The following LTBP2 variants were observed in gnomAD, a reference collection of about 807,000 sequenced individuals.
LTBP2 encodes latent transforming growth factor beta binding protein 2.
In LTBP2, 103 loss-of-function variants were observed where a neutral mutation model predicts 210.6. The observed-to-expected ratio is 0.49, with a 90% CI of 0.42 to 0.58. LTBP2 has a LOEUF of 0.58. LTBP2 is among the 20% of genes least tolerant of loss of function. The pLI is 0.00. For missense variants in LTBP2, 2,313 were observed against 2,494.5 expected, an observed-to-expected ratio of 0.93 and a Z score of 1.55; for synonymous variants, 1,007 against 1,015.0, an observed-to-expected ratio of 0.99 and a Z score of 0.15.
intron 18 of LTBP2, among the ~76,000 whole-genome samples, chr14:74,515,682 T>G (rs1194470957): frequency 6.6e-6 from 1 of 152,198 alleles, no homozygotes; most frequent in Non-Finnish European, 1.5e-5. Flanking sequence ...GGTAATCTAT[T>G]GAGGACCTAA....
At chr14:74,552,601 G>A (rs1401371600) in intron 5 of LTBP2, among the ~76,000 whole-genome samples, 1 of 152,206 alleles carries the variant, frequency 6.6e-6, no homozygotes, top group Non-Finnish European at 1.5e-5. Flanking sequence ...TTCCTGAAAA[G>A]TCTATTTAGG....
intron 2 of LTBP2, among the ~76,000 whole-genome samples, chr14:74,593,413 A>G (rs530922969): frequency 6.6e-6 from 1 of 152,302 alleles, no homozygotes; most frequent in African/African-American, 2.4e-5. Flanking sequence ...CCTTGGACAC[A>G]TGTCATCTCG....
At position 74,585,786 on chromosome 14, in the gene LTBP2, AAAGG is replaced by A. The variant is rs1314320711; in HGVS notation, c.830+64_830+67del. 7.9e-5 allele frequency: 127 copies of A among 1,611,968 alleles called. 1 individual carries two copies. In the East Asian group the frequency reaches 2.4e-3, roughly 31 times the overall value. ...TCCACCAGCCTTCACCAAACGGTCCAAAGGAAGAAGCCCCTCCAAAAAGAGACTG... is the reference window on the plus strand; with the variant it reads ...TCCACCAGCCTTCACCAAACGGTCCAAAGAAGCCCCTCCAAAAAGAGACTG... On this transcript the variant is annotated intron_variant, in intron 3 of 35. Transcript: ENST00000261978.
chr14:74,513,731 G>A (rs532717001), intron 18 of LTBP2, among the ~76,000 whole-genome samples: 1 of 152,184 alleles, frequency 6.6e-6, no homozygotes. Flanking sequence ...TGAACCCGGT[G>A]GGGGAGGAGG....
chr14:74,522,176 G>A, intron 16 of LTBP2, 137 bp from the exon 17 acceptor site: 1 of 1,052,818 alleles, frequency 9.5e-7, no homozygotes, highest in Non-Finnish European at 1.4e-6. Flanking sequence ...GGGAGTGGAG[G>A]AGGCTGAAAA....
At chr14:74,510,070 G>A in intron 20 of LTBP2, 21 bp downstream of exon 20, 3 of 1,613,898 alleles carry the variant, frequency 1.9e-6, no homozygotes, top group Non-Finnish European at 2.5e-6. Context: ...GCGGAGAAGG[G>A]GCGCTTCAGC....
chr14:74,588,514 C>G (rs537728270), intron 2 of LTBP2, among the ~76,000 whole-genome samples: 1 of 152,188 alleles, frequency 6.6e-6, no homozygotes, highest in Non-Finnish European at 1.5e-5. Flanking sequence ...AGCCGCCGCA[C>G]GAGGCCGCTG....
intron 10 of LTBP2, among the ~76,000 whole-genome samples, 183 bp from the exon 11 acceptor site, chr14:74,529,305 TG>T (rs2087320435): frequency 6.6e-6 from 1 of 152,186 alleles, no homozygotes; most frequent in African/African-American, 2.4e-5. Context: ...AGAGGCGTAG[TG>T]GAATGTTTCA....
At chr14:74,550,963 A>G (rs2087644943) in intron 7 of LTBP2, 101 bp downstream of exon 7, 2 of 1,455,034 alleles carry the variant, frequency 1.4e-6, no homozygotes, top group Admixed American at 3.4e-5. Context: ...AGACACTCAC[A>G]TTCCATAAGA....
In LTBP2 at chr14:74,508,009, C is replaced by G; in HGVS notation, c.3739G>C (p.Gly1247Arg). 6.2e-7 allele frequency: 1 copy of G among 1,613,920 alleles called. No individual in the cohort carries two copies. Among genetic ancestry groups the G allele is most frequent in the Non-Finnish European group, 8.5e-7 (1 of 1,180,040 alleles). The change falls in exon 25 of 36, where the codon GGC becomes CGC. Residue 1247 changes from glycine to arginine, a missense_variant. By Grantham distance (125) the Gly-to-Arg change is moderately radical (BLOSUM62 -2). Around this residue, in one of 3 missense-constraint regions of LTBP2, gnomAD observed 1,867 missense variants for 1,976.9 expected, o/e 0.94. Transcript: ENST00000261978. ...CCACTCTCTGGGGAGGGCTGGAAGC[C>G]AGTCTCACATAGACAGTTGAAGGAG... ...EGSFNCLCET[G>R]FQPSPESGEC...
At chr14:74,545,055 G>A (rs2087560636) in intron 8 of LTBP2, among the ~76,000 whole-genome samples, 1 of 152,140 alleles carries the variant, frequency 6.6e-6, no homozygotes, top group Admixed American at 6.5e-5. Flanking sequence ...TATAGCACAA[G>A]TAACTCACAA....
intron 3 of LTBP2, among the ~76,000 whole-genome samples, chr14:74,583,909 C>A (rs543250136): frequency 6.6e-6 from 1 of 152,322 alleles, no homozygotes; most frequent in South Asian, 2.1e-4. Context: ...AATGGAGAAC[C>A]CACCATGGGA....
intron 18 of LTBP2, among the ~76,000 whole-genome samples, chr14:74,513,600 C>T (rs540906212): frequency 1.3e-5 from 2 of 152,136 alleles, no homozygotes; most frequent in Non-Finnish European, 2.9e-5. Context: ...GTCAGGAGTT[C>T]AAGACTAGCC....
At chr14:74,576,714 C>T (rs1223872894) in intron 3 of LTBP2, among the ~76,000 whole-genome samples, 1 of 151,452 alleles carries the variant, frequency 6.6e-6, no homozygotes, top group Non-Finnish European at 1.5e-5. Context: ...ATGGACACAA[C>T]AGGGGATGTC....
At chr14:74,550,395 G>T (rs1329324609) in intron 7 of LTBP2, among the ~76,000 whole-genome samples, 2 of 152,218 alleles carry the variant, frequency 1.3e-5, no homozygotes, top group Admixed American at 1.3e-4. Flanking sequence ...GGAATTCAGG[G>T]TGTTTACCCC....
intron 2 of LTBP2, among the ~76,000 whole-genome samples, chr14:74,587,973 C>T (rs1595294848): frequency 6.6e-6 from 1 of 152,306 alleles, no homozygotes; most frequent in South Asian, 2.1e-4. Flanking sequence ...GGCCTGCTGG[C>T]TGTGGCCCCA....
chr14:74,522,866 G>T lies in LTBP2; in HGVS notation c.2583C>A (p.Cys861Ter). 1 of 1,612,746 alleles carries T rather than the reference G, an allele frequency of 6.2e-7. No individual in the cohort carries two copies. Among genetic ancestry groups the T allele is most frequent in the Non-Finnish European group, 8.5e-7 (1 of 1,179,632 alleles). The change falls in exon 16 of 36, where the codon TGC (cysteine) becomes TGA (stop). Residue 861 changes from cysteine (C) to a stop codon, truncating the protein, a stop_gained. Coordinates refer to ENST00000261978, the MANE Select transcript of LTBP2 (RefSeq NM_000428.3). LOFTEE classifies it high-confidence loss of function. ...ATCTGTATCCATCGGGGAGGTTCACGCAGGTTCCAGGGCCACAGACGTTGG... is the reference window on the plus strand; with the variant it reads ...ATCTGTATCCATCGGGGAGGTTCACTCAGGTTCCAGGGCCACAGACGTTGG... ...GATNVCGPGT[C>*]VNLPDGYRCV...
intron 3 of LTBP2, among the ~76,000 whole-genome samples, chr14:74,567,567 T>C (rs1293964483): frequency 1.3e-5 from 2 of 152,124 alleles, no homozygotes; most frequent in African/African-American, 4.8e-5. Context: ...GATAGCCCTC[T>C]TCTTCCCACC....
intron 34 of LTBP2, 175 bp from the exon 35 acceptor site, chr14:74,501,765 G>GAAA: frequency 1.4e-6 from 1 of 715,938 alleles, no homozygotes. Context: ...CAGTACTCTT[G>GAAA]AAAAAAAAAG....
Sources: gnomAD v4.1 joint callset for allele counts (sites outside exome capture counted in the v4.1 genomes callset) on GRCh38, gnomAD v4.1.1 for gene constraint, gnomAD v4.1.1 regional missense constraint, MANE v1.5 for transcripts, NCBI Gene and HGNC (gene_info 2026-07-23, HGNC 2026-07-21) for gene names.